The following PTPRD variants were observed in gnomAD, a reference collection of about 807,000 sequenced individuals.
PTPRD encodes receptor-type tyrosine-protein phosphatase delta.
In PTPRD, 34 loss-of-function variants were observed where a neutral mutation model predicts 214.5. The ratio of observed to expected loss-of-function variants is 0.16; its 90% CI spans 0.12 to 0.21. PTPRD has a LOEUF of 0.21. PTPRD is among the 10% of genes least tolerant of loss of function. The pLI, the probability that PTPRD is intolerant of heterozygous loss-of-function variation, is 1.00. For synonymous variants in PTPRD, 1,128 were observed against 845.7 expected (o/e 1.33, Z -5.79); for missense variants, 2,545 against 2,398.7 (o/e 1.06, Z -1.27).
intron 9 of PTPRD, among the ~76,000 whole-genome samples, chr9:9,198,980 G>C (rs1287880039): frequency 6.6e-6 from 1 of 152,084 alleles, no homozygotes; most frequent in Non-Finnish European, 1.5e-5. Context: ...AGCCATGGCA[G>C]GAAGATATAA....
At chr9:8,632,149 C>CTGTG (rs956955451) in intron 14 of PTPRD, among the ~76,000 whole-genome samples, 1 of 114,360 alleles carries the variant, frequency 8.7e-6, no homozygotes, top group Non-Finnish European at 1.8e-5. Flanking sequence ...GTGTGTGTGT[C>CTGTG]TGTGTGTGTG....
At chr9:10,158,329 G>C (rs1336284446) in intron 3 of PTPRD, among the ~76,000 whole-genome samples, 1 of 152,036 alleles carries the variant, frequency 6.6e-6, no homozygotes. Flanking sequence ...TTTCTATACT[G>C]GGTATTTTAT....
chr9:8,950,311 G>C (rs936666110), intron 11 of PTPRD, among the ~76,000 whole-genome samples: 1 of 151,852 alleles, frequency 6.6e-6, no homozygotes, highest in African/African-American at 2.4e-5. Context: ...AAAATGCAAG[G>C]GCAAAATTTT....
intron 21 of PTPRD, among the ~76,000 whole-genome samples, chr9:8,514,791 C>G (rs1484261847): frequency 1.3e-5 from 2 of 152,134 alleles, no homozygotes; most frequent in East Asian, 3.9e-4. Context: ...CGTCCCCACC[C>G]AAATCTCTTC....
chr9:9,776,263 A>C (rs2098798040), intron 5 of PTPRD, among the ~76,000 whole-genome samples: 1 of 152,128 alleles, frequency 6.6e-6, no homozygotes, highest in Non-Finnish European at 1.5e-5. Context: ...CTAAAACTCT[A>C]CTGAGGCTAA....
chr9:10,481,676 T>A (rs2099098942), intron 2 of PTPRD, among the ~76,000 whole-genome samples: 1 of 152,216 alleles, frequency 6.6e-6, no homozygotes, highest in Non-Finnish European at 1.5e-5. Flanking sequence ...ACTCAGCCCA[T>A]AATCATTAAA....
intron 5 of PTPRD, among the ~76,000 whole-genome samples, chr9:9,789,803 A>C (rs1037914960): frequency 1.3e-5 from 2 of 148,928 alleles, no homozygotes; most frequent in Non-Finnish European, 1.5e-5. Context: ...TCTCAAAAAA[A>C]AAAAAAAAAA....
rs145870273 is a variant in PTPRD, at chr9:8,775,962, T to C, written c.-103-42016A>G. Among the ~76,000 whole-genome samples, 540 of 152,224 alleles carry C rather than the reference T, an allele frequency of 3.5e-3. 5 individuals are homozygous for C. The highest frequency in any genetic ancestry group is 0.012 in the African/African-American group (506 of 41,538). ...CTGGGCCAGTCCTAACTCCTAGCAG[T>C]AGGTAAAGTTGATGGACAGTAAATC... On this transcript the variant is annotated intron_variant, in intron 11 of 45. Coordinates refer to ENST00000381196, the MANE Select transcript of PTPRD (RefSeq NM_002839.4).
rs2059276654 is a variant in PTPRD, at chr9:9,845,164, CAATATATATATATATATTGCTCTATATAT to C, written c.-367-78342_-367-78314del. Among the ~76,000 whole-genome samples, 5 of 7,664 alleles carry C rather than the reference CAATATATATATATATATTGCTCTATATAT, an allele frequency of 6.5e-4. 1 individual carries two copies. The South Asian group carries it at 0.017, about 27-fold the overall frequency. 5.0% of individuals were successfully genotyped at this position (7,664 alleles called of 152,430 possible). On this transcript the variant is annotated intron_variant, in intron 5 of 45. Transcript: ENST00000381196. ...TATATATATTGCTCTATATATAGAGCAATATATATATATATATTGCTCTATATATATAGCTATATATATACTGCTATATA... is the reference window on the plus strand; with the variant it reads ...TATATATATTGCTCTATATATAGAGCATAGCTATATATATACTGCTATATA...
intron 2 of PTPRD, among the ~76,000 whole-genome samples, chr9:10,592,084 G>T (rs190980902): frequency 1.5e-3 from 229 of 152,162 alleles, no homozygotes; most frequent in Non-Finnish European, 2.7e-3. Context: ...GCCTAACCTA[G>T]AACAAAACAC....
At chr9:9,561,489 A>G (rs547935028) in intron 8 of PTPRD, among the ~76,000 whole-genome samples, 1 of 152,202 alleles carries the variant, frequency 6.6e-6, no homozygotes, top group Non-Finnish European at 1.5e-5. Context: ...CATCAACACT[A>G]CTAAGTAAAT....
At chr9:9,594,625 G>A (rs1203763793) in intron 7 of PTPRD, among the ~76,000 whole-genome samples, 2 of 152,064 alleles carry the variant, frequency 1.3e-5, no homozygotes, top group African/African-American at 4.8e-5. Context: ...TGTCCCATTG[G>A]TCTGTGTGCC....
intron 10 of PTPRD, among the ~76,000 whole-genome samples, chr9:9,034,203 G>C (rs1453096818): frequency 6.6e-6 from 1 of 152,152 alleles, no homozygotes; most frequent in African/African-American, 2.4e-5. Context: ...TTCTGGGACA[G>C]AGCAGTAGAA....
intron 4 of PTPRD, among the ~76,000 whole-genome samples, chr9:10,017,265 T>C (rs895862802): frequency 9.2e-5 from 14 of 152,130 alleles, no homozygotes; most frequent in Non-Finnish European, 8.8e-5. Flanking sequence ...TTGTAAAATT[T>C]GTCCATTTCT....
chr9:8,605,240 A>G (rs2095135061), intron 14 of PTPRD, among the ~76,000 whole-genome samples: 1 of 152,244 alleles, frequency 6.6e-6, no homozygotes, highest in East Asian at 1.9e-4. Context: ...TTTGAAGTAT[A>G]TTAAACCTGA....
chr9:8,953,701 A>G (rs147602556), intron 11 of PTPRD, among the ~76,000 whole-genome samples: 1 of 152,118 alleles, frequency 6.6e-6, no homozygotes, highest in African/African-American at 2.4e-5. Context: ...ATGAACAGAC[A>G]CTTCTTAACA....
intron 9 of PTPRD, among the ~76,000 whole-genome samples, chr9:9,301,471 C>T (rs1955269650): frequency 6.7e-6 from 1 of 150,294 alleles, no homozygotes; most frequent in Admixed American, 6.7e-5. Context: ...AGAAGCATAA[C>T]AGTGGGGATA....
intron 7 of PTPRD, among the ~76,000 whole-genome samples, chr9:9,602,128 C>G (rs1005206684): frequency 6.6e-6 from 1 of 151,958 alleles, no homozygotes. Flanking sequence ...TAAAAGCAGA[C>G]AACATTGTTC....
chr9:10,198,315 C>A (rs1000254768), intron 3 of PTPRD, among the ~76,000 whole-genome samples: 3 of 152,056 alleles, frequency 2.0e-5, no homozygotes, highest in African/African-American at 7.2e-5. Context: ...GCAACACTGA[C>A]AGGTCAGAGT....
Sources: allele counts gnomAD v4.1 joint callset (sites outside exome capture counted in the v4.1 genomes callset), GRCh38; gene constraint gnomAD v4.1.1; transcripts MANE v1.5; gene names NCBI Gene and HGNC (gene_info 2026-07-23, HGNC 2026-07-21).